The following MET variants were observed in gnomAD, a reference collection of about 807,000 sequenced individuals.
MET encodes the protein MET proto-oncogene, receptor tyrosine kinase.
In MET, 48 loss-of-function variants were observed where a neutral mutation model predicts 133.1. The observed-to-expected ratio is 0.36, with a 90% CI of 0.29 to 0.46. MET has a LOEUF of 0.46. Among genes scored for constraint, MET ranks in the 20% least tolerant of loss-of-function variants. The pLI, the probability that MET is intolerant of heterozygous loss-of-function variation, is 1.00. For missense variants in MET, 1,442 were observed against 1,695.9 expected (o/e 0.85, Z 2.63); for synonymous variants, 628 against 616.5 (o/e 1.02, Z -0.28).
At chr7:116,679,015 A>G (rs1431986735) in intron 1 of MET, among the ~76,000 whole-genome samples, 2 of 152,226 alleles carry the variant, frequency 1.3e-5, no homozygotes, top group Non-Finnish European at 2.9e-5. Flanking sequence ...GGATGTTTGA[A>G]TGATGCAATG....
chr7:116,686,204 T>G (rs1294667743), intron 1 of MET, among the ~76,000 whole-genome samples: 1 of 152,224 alleles, frequency 6.6e-6, no homozygotes, highest in African/African-American at 2.4e-5. Context: ...CTACAAGGCC[T>G]TACATGCTCT....
chr7:116,683,624 C>G (rs1396297602), intron 1 of MET, among the ~76,000 whole-genome samples: 1 of 152,178 alleles, frequency 6.6e-6, no homozygotes, highest in African/African-American at 2.4e-5. Context: ...CATTCCCATT[C>G]ATTCTTAAGT....
rs2116931135 is a variant in MET, at chr7:116,758,522, T to G, written c.2166T>G (p.Val722=). 6.2e-7 allele frequency: 1 copy of G among 1,613,972 alleles called. No individual in the cohort carries two copies. The highest frequency in any genetic ancestry group is 1.1e-5 in the South Asian group (1 of 91,078). The change falls in exon 9 of 21, where the codon GTT becomes GTG. Residue 722 remains valine, a synonymous_variant. Transcript: ENST00000397752. ...AAACCATTTCAACTGAGTTTGCTGTTAAATTGAAAATTGACTTAGCCAACC... is the reference window on the plus strand; with the variant it reads ...AAACCATTTCAACTGAGTTTGCTGTGAAATTGAAAATTGACTTAGCCAACC... The part of the protein sequence containing the change: ...PAQTISTEFA[V]KLKIDLANRE...
In MET at chr7:116,713,202, C is replaced by T. The variant is rs557030739; in HGVS notation, c.1200+12918C>T. On this transcript the variant is annotated intron_variant, in intron 2 of 20. Transcript: ENST00000397752. Reference sequence around the variant, plus strand: ...CGAGGTCAGGAGATCGAGACCATCCCGGCTAAAACGGTGAAACCCCGTCTC... The same window carrying T: ...CGAGGTCAGGAGATCGAGACCATCCTGGCTAAAACGGTGAAACCCCGTCTC... 6.6e-4 allele frequency among the ~76,000 whole-genome samples: 100 copies of T among 152,008 alleles called. 1 individual carries two copies. Among genetic ancestry groups the T allele is most frequent in the Admixed American group, 2.4e-3 (36 of 15,276 alleles).
chr7:116,722,994 T>C (rs371498759), intron 2 of MET, among the ~76,000 whole-genome samples: 1 of 148,954 alleles, frequency 6.7e-6, no homozygotes, highest in Non-Finnish European at 1.5e-5. Flanking sequence ...ATCTTTGTGG[T>C]GTTCTCTGTA....
chr7:116,724,674 G>A, intron 2 of MET: 2 of 494,808 alleles, frequency 4.0e-6, no homozygotes, highest in South Asian at 3.1e-5. Flanking sequence ...TTACTCCTTG[G>A]AATCGGAAAA....
intron 1 of MET, among the ~76,000 whole-genome samples, chr7:116,689,559 C>CTTTTTTTTTT (rs534819031): frequency 2.1e-5 from 2 of 94,774 alleles, no homozygotes; most frequent in African/African-American, 4.5e-5. Context: ...TGGGCTTACT[C>CTTTTTTTTTT]TTTTTTTTTT....
Position 116,699,451 on chromosome 7 carries a change from G to T in MET, c.367G>T (p.Asp123Tyr), listed in dbSNP as rs760106468. 1 of 1,613,964 alleles carries T rather than the reference G, an allele frequency of 6.2e-7. No individual in the cohort carries two copies. The highest frequency in any genetic ancestry group is 1.1e-5 in the South Asian group (1 of 91,066). ...TAACATCAACATGGCTCTAGTTGTCGACACCTACTATGATGATCAACTCAT... is the reference window on the plus strand; with the variant it reads ...TAACATCAACATGGCTCTAGTTGTCTACACCTACTATGATGATCAACTCAT... The part of the protein sequence containing the change: ...KDNINMALVV[D>Y]TYYDDQLISC... Residue 123 changes from aspartate (D) to tyrosine (Y), a missense_variant, in exon 2 of 21, where the codon GAC (aspartate) becomes TAC (tyrosine). Physicochemically the swap from Asp to Tyr is radical, Grantham distance 160 (BLOSUM62 -3). This residue lies in a region of MET where 762 missense variants were observed against 792.4 expected (regional missense o/e 0.96). Coordinates refer to ENST00000397752, the MANE Select transcript of MET (RefSeq NM_000245.4).
intron 5 of MET, among the ~76,000 whole-genome samples, chr7:116,743,126 C>A (rs1793527493): frequency 6.6e-6 from 1 of 152,192 alleles, no homozygotes; most frequent in Admixed American, 6.5e-5. Flanking sequence ...CTGGGAAGGG[C>A]AAGGGATTGG....
chr7:116,764,910 T>A (rs1008699593), intron 11 of MET, among the ~76,000 whole-genome samples: 17 of 152,170 alleles, frequency 1.1e-4, no homozygotes, highest in African/African-American at 4.1e-4. Context: ...ATACTTCATT[T>A]TTCTTATGTA....
intron 2 of MET, among the ~76,000 whole-genome samples, chr7:116,729,626 A>T (rs1222144296): frequency 3.9e-5 from 6 of 152,158 alleles, no homozygotes; most frequent in Non-Finnish European, 8.8e-5. Context: ...AGATGTAATG[A>T]AATTTGCTCT....
intron 2 of MET, among the ~76,000 whole-genome samples, chr7:116,718,451 A>G (rs1452501755): frequency 6.6e-6 from 1 of 152,128 alleles, no homozygotes; most frequent in Admixed American, 6.5e-5. Context: ...CACATTGTTT[A>G]CCATTGTTTC....
At chr7:116,730,938 G>A (rs950778489) in intron 2 of MET, among the ~76,000 whole-genome samples, 3 of 152,116 alleles carry the variant, frequency 2.0e-5, no homozygotes, top group African/African-American at 4.8e-5. Context: ...AAACCTGCTA[G>A]ACAAATTCTA....
chr7:116,770,567 G>C (rs769085111), intron 12 of MET, among the ~76,000 whole-genome samples: 1 of 152,022 alleles, frequency 6.6e-6, no homozygotes, highest in Non-Finnish European at 1.5e-5. Context: ...CCAATAAGCA[G>C]CAGCTCCACA....
At chr7:116,786,252 T>G (rs770545490) in intron 19 of MET, among the ~76,000 whole-genome samples, 4 of 152,208 alleles carry the variant, frequency 2.6e-5, no homozygotes, top group Non-Finnish European at 5.9e-5. Context: ...CCCACCCTCA[T>G]GACCTTGTCT....
At chr7:116,746,839 T>C (rs1269743926) in intron 5 of MET, among the ~76,000 whole-genome samples, 2 of 151,792 alleles carry the variant, frequency 1.3e-5, no homozygotes, top group African/African-American at 4.8e-5. Context: ...AATGACAAGT[T>C]AATGGGTGCA....
intron 2 of MET, among the ~76,000 whole-genome samples, chr7:116,707,393 T>A (rs1263202629): frequency 6.6e-6 from 1 of 152,134 alleles, no homozygotes; most frequent in Non-Finnish European, 1.5e-5. Flanking sequence ...AAATGGTAGA[T>A]GATACTTCAA....
intron 2 of MET, among the ~76,000 whole-genome samples, chr7:116,701,642 C>T (rs1376175981): frequency 1.3e-5 from 2 of 152,120 alleles, no homozygotes; most frequent in African/African-American, 2.4e-5. Context: ...TTATTTCCCC[C>T]TACATACATT....
chr7:116,729,550 A>G (rs1350775209), intron 2 of MET, among the ~76,000 whole-genome samples: 1 of 152,220 alleles, frequency 6.6e-6, no homozygotes, highest in Non-Finnish European at 1.5e-5. Flanking sequence ...GATTATTATC[A>G]TATGGGATGA....
Sources: allele counts gnomAD v4.1 joint callset (sites outside exome capture counted in the v4.1 genomes callset), GRCh38; gene constraint gnomAD v4.1.1; regional missense constraint gnomAD v4.1.1; transcripts MANE v1.5; gene names NCBI Gene and HGNC (gene_info 2026-07-23, HGNC 2026-07-21).